USH2A: variants seen among roughly 807,000 people sequenced by gnomAD.
The protein encoded by USH2A is Usher syndrome 2A (autosomal recessive, mild).
A neutral mutation model predicts 538.9 loss-of-function variants in USH2A; 443 were observed. The ratio of observed to expected loss-of-function variants is 0.82; its 90% CI spans 0.76 to 0.89. The LOEUF (loss-of-function observed/expected upper bound fraction) is 0.89. USH2A is among the 40% of genes least tolerant of loss of function. The pLI is 0.00. For synonymous variants in USH2A, 2,413 were observed against 2,273.5 expected (o/e 1.06, Z -1.75); for missense variants, 6,633 against 6,324.8 (o/e 1.05, Z -1.65).
In USH2A at chr1:215,686,850, C is replaced by T. The variant is rs190366642; in HGVS notation, c.12067-6474G>A. On this transcript the variant is annotated intron_variant, in intron 61 of 71. Transcript: ENST00000307340. ...AAGATTTAAAATTTTCTTTATGGAA[C>T]GTTCACTCTATTTCAAAATTTGTAA... Among the ~76,000 whole-genome samples the T allele has an allele frequency of 2.3e-3, 354 of 152,190 alleles. 2 individuals are homozygous for T. Among genetic ancestry groups the T allele is most frequent in the African/African-American group, 8.2e-3 (340 of 41,546 alleles).
At chr1:216,019,686 G>A (rs1249366552) in intron 32 of USH2A, among the ~76,000 whole-genome samples, 1 of 152,128 alleles carries the variant, frequency 6.6e-6, no homozygotes, top group Non-Finnish European at 1.5e-5. Flanking sequence ...TGCTCTAGTA[G>A]TTACAAAGGC....
At chr1:215,834,536 G>T (rs1426425626) in intron 47 of USH2A, among the ~76,000 whole-genome samples, 1 of 152,100 alleles carries the variant, frequency 6.6e-6, no homozygotes, top group Non-Finnish European at 1.5e-5. Flanking sequence ...TTTTAGGAAG[G>T]GTAGAAGAGG....
intron 11 of USH2A, among the ~76,000 whole-genome samples, chr1:216,263,175 ACTGCTGAAAT>A (rs1405246417): frequency 2.0e-5 from 3 of 152,162 alleles, no homozygotes; most frequent in African/African-American, 7.2e-5. Flanking sequence ...CAATGGCTTC[ACTGCTGAAAT>A]CTACCAAACT....
intron 61 of USH2A, among the ~76,000 whole-genome samples, chr1:215,709,599 A>G (rs956875046): frequency 1.8e-4 from 27 of 151,308 alleles, no homozygotes; most frequent in African/African-American, 6.5e-4. Context: ...GTAATGGACA[A>G]AGTCCAGTAA....
chr1:215,828,466 AT>A (rs971553138), intron 47 of USH2A, among the ~76,000 whole-genome samples: 2 of 152,282 alleles, frequency 1.3e-5, no homozygotes, highest in South Asian at 2.1e-4. Context: ...AAAGAAAAAA[AT>A]ATATAGATAT....
chr1:215,768,082 T>C (rs1409614236), intron 55 of USH2A, among the ~76,000 whole-genome samples: 1 of 152,212 alleles, frequency 6.6e-6, no homozygotes, highest in African/African-American at 2.4e-5. Context: ...TGTTAATGTG[T>C]CACTTTGTCT....
intron 54 of USH2A, among the ~76,000 whole-genome samples, chr1:215,780,770 AT>A (rs1661612058): frequency 6.6e-6 from 1 of 152,246 alleles, no homozygotes; most frequent in Non-Finnish European, 1.5e-5. Flanking sequence ...GACTGGGCCA[AT>A]CAGCTGCCAT....
In USH2A at chr1:216,327,657, G is replaced by C. The variant is rs2037762626; in HGVS notation, c.785-3C>G. The C allele has an allele frequency of 6.2e-7, 1 of 1,612,858 alleles. No homozygotes were observed. The highest frequency in any genetic ancestry group is 8.5e-7 in the Non-Finnish European group (1 of 1,179,350). The stretch of plus-strand genomic sequence containing the variant: ...TCTTCCGACAAACTGCTCTAAACCT[G>C]CAAATACACACATGTGCATAATATA... On this transcript the variant is annotated splice_polypyrimidine_tract_variant and splice_region_variant and intron_variant, in intron 4 of 71. Coordinates refer to ENST00000307340, the MANE Select transcript of USH2A (RefSeq NM_206933.4).
intron 3 of USH2A, among the ~76,000 whole-genome samples, chr1:216,377,299 AAGC>A (rs1446645077): frequency 3.9e-5 from 6 of 152,192 alleles, no homozygotes; most frequent in Non-Finnish European, 7.3e-5. Flanking sequence ...GTAATTGTCT[AAGC>A]AGTTTTTGCA....
At position 215,778,741 on chromosome 1, in the gene USH2A, A is replaced by G. The variant is rs190567568; in HGVS notation, c.10939+1102T>C. On this transcript the variant is annotated intron_variant, in intron 55 of 71. Transcript: ENST00000307340. ...TGGCTGACAATGGGAAAAAAGGGAA[A>G]GTTTATACAATCTTGCCCATGGTCT... 3.6e-3 allele frequency among the ~76,000 whole-genome samples: 551 copies of G among 152,334 alleles called. 2 individuals carry two copies. Among genetic ancestry groups the G allele is most frequent in the African/African-American group, 0.011 (476 of 41,584 alleles).
At chr1:216,032,192 C>CT (rs536151774) in intron 32 of USH2A, among the ~76,000 whole-genome samples, 24 of 150,934 alleles carry the variant, frequency 1.6e-4, no homozygotes, top group East Asian at 3.9e-4. Context: ...TAGAGACATG[C>CT]TTTTTTTTTG....
chr1:216,385,353 A>C (rs753013506), intron 3 of USH2A, among the ~76,000 whole-genome samples: 2 of 152,182 alleles, frequency 1.3e-5, no homozygotes, highest in Non-Finnish European at 2.9e-5. Context: ...AGAGCTTGAA[A>C]GTCTAAAGAA....
chr1:216,168,961 T>C (rs1478032305), intron 21 of USH2A, among the ~76,000 whole-genome samples: 3 of 151,842 alleles, frequency 2.0e-5, no homozygotes, highest in African/African-American at 7.3e-5. Flanking sequence ...ATCCCCAAAC[T>C]CTCCAAGAGA....
chr1:216,088,781 G>A (rs891354738), intron 23 of USH2A, among the ~76,000 whole-genome samples: 7 of 152,110 alleles, frequency 4.6e-5, no homozygotes, highest in African/African-American at 1.4e-4. Context: ...AACTGTAAAA[G>A]ACATAGGTGA....
At chr1:215,826,797 T>C (rs1663168606) in intron 47 of USH2A, among the ~76,000 whole-genome samples, 1 of 152,126 alleles carries the variant, frequency 6.6e-6, no homozygotes, top group South Asian at 2.1e-4. Context: ...CTCCATAAAA[T>C]GGTTATATAA....
chr1:216,276,273 C>T (rs1202034559), intron 11 of USH2A, among the ~76,000 whole-genome samples: 1 of 152,136 alleles, frequency 6.6e-6, no homozygotes, highest in East Asian at 1.9e-4. Flanking sequence ...GAGAATCTTA[C>T]AGACTAGTTT....
chr1:216,305,312 T>C (rs2037294768), intron 9 of USH2A, among the ~76,000 whole-genome samples: 1 of 152,188 alleles, frequency 6.6e-6, no homozygotes. Context: ...TTGTTTTGTC[T>C]GATATAAGAA....
chr1:215,890,612 T>C (rs1290461843), intron 40 of USH2A, among the ~76,000 whole-genome samples: 2 of 152,180 alleles, frequency 1.3e-5, no homozygotes, highest in Non-Finnish European at 2.9e-5. Context: ...ACACTTTCCG[T>C]TTCAGTCTCT....
intron 35 of USH2A, among the ~76,000 whole-genome samples, chr1:215,976,169 C>A (rs757854991): frequency 6.6e-6 from 1 of 152,140 alleles, no homozygotes; most frequent in Non-Finnish European, 1.5e-5. Flanking sequence ...ATTTAGTATC[C>A]TAAAACTTTA....
Sources: gnomAD v4.1 joint callset for allele counts (sites outside exome capture counted in the v4.1 genomes callset) on GRCh38, gnomAD v4.1.1 for gene constraint, MANE v1.5 for transcripts, NCBI Gene and HGNC (gene_info 2026-07-23, HGNC 2026-07-21) for gene names.